NLGN4X: variants seen among roughly 807,000 people sequenced by gnomAD.
NLGN4X encodes the protein neuroligin-4, X-linked.
NLGN4X carries 3 observed loss-of-function variants against 40.3 expected under a neutral mutation model. The observed-to-expected ratio is 0.07, with a 90% confidence interval of 0.03 to 0.19. The LOEUF is 0.19. Among genes scored for constraint, NLGN4X ranks in the 10% least tolerant of loss-of-function variants. The pLI, the probability that NLGN4X is intolerant of heterozygous loss-of-function variation, is 1.00. For missense variants in NLGN4X, 382 were observed against 708.3 expected, an observed-to-expected ratio of 0.54 and a Z score of 5.23; for synonymous variants, 270 against 306.8, an observed-to-expected ratio of 0.88 and a Z score of 1.25.
chrX:5,917,333 G>A (rs141367101), intron 3 of NLGN4X, among the ~76,000 whole-genome samples: 28 of 112,603 alleles, frequency 2.5e-4, no homozygotes, highest in Non-Finnish European at 3.9e-4. Flanking sequence ...TTCTACCAAT[G>A]TGGGCCCCTT....
chrX:6,163,502 G>T (rs919208740), intron 1 of NLGN4X, among the ~76,000 whole-genome samples: 21 of 112,042 alleles, frequency 1.9e-4, no homozygotes, highest in African/African-American at 6.5e-4. Context: ...CATGAAGCCA[G>T]CCTGTGCTCC....
At chrX:6,224,699 G>T (rs766806256) in intron 1 of NLGN4X, among the ~76,000 whole-genome samples, 5 of 109,693 alleles carry the variant, frequency 4.6e-5, no homozygotes, top group Non-Finnish European at 7.6e-5. Flanking sequence ...TAGGTTACTG[G>T]TTTGAGGGCC....
At chrX:6,055,812 G>C (rs1000325704) in intron 2 of NLGN4X, among the ~76,000 whole-genome samples, 1 of 111,385 alleles carries the variant, frequency 9.0e-6, no homozygotes, top group African/African-American at 3.3e-5. Context: ...TAATTAAATT[G>C]TGTAGAATTA....
chrX:5,982,926 C>T (rs1370213929), intron 3 of NLGN4X, among the ~76,000 whole-genome samples: 7 of 112,319 alleles, frequency 6.2e-5, no homozygotes, highest in Admixed American at 1.9e-4. Context: ...AATGATGATC[C>T]AGCTAGATGC....
rs972648843 is a variant in NLGN4X at position 5,890,500 on chromosome X, A to C, written c.*2317T>G. Reference sequence around the variant, plus strand: ...TATTGCTAGCAGGAGACAACTGGAAATACTAAACAAATACTGGAATTCACA... The same window carrying C: ...TATTGCTAGCAGGAGACAACTGGAACTACTAAACAAATACTGGAATTCACA... On this transcript the variant is annotated 3_prime_UTR_variant, in exon 6 of 6. Transcript: ENST00000381095. The C allele has an allele frequency of 6.6e-6, 2 of 304,889 alleles. No individual in the cohort carries two copies. The highest frequency in any genetic ancestry group is 3.0e-5 in the South Asian group (1 of 32,850). The allele number at this position is 304,889 out of a possible 1,213,427, so 25.1% of individuals were successfully genotyped here.
chrX:6,052,056 C>G (rs970230438), intron 2 of NLGN4X, among the ~76,000 whole-genome samples: 2 of 110,503 alleles, frequency 1.8e-5, no homozygotes, highest in Admixed American at 1.9e-4. Context: ...TGGGGGACCT[C>G]TAGGAGCTGA....
intron 3 of NLGN4X, among the ~76,000 whole-genome samples, chrX:5,926,655 C>T (rs2033329653): frequency 9.1e-6 from 1 of 109,932 alleles, no homozygotes; most frequent in Admixed American, 9.9e-5. Context: ...TTCTAATTGT[C>T]CCATTACAGC....
chrX:5,891,605 C>CT lies in NLGN4X; in HGVS notation c.*1211dup, dbSNP rs948283927. ...AGCCCCACCAAAGGCAAGCTTTCTT[C>CT]TTTTTTTGGCAGGGCCCTGAAATGG... On this transcript the variant is annotated 3_prime_UTR_variant, in exon 6 of 6. Transcript: ENST00000381095. 7 of 246,829 alleles carry CT rather than the reference C, an allele frequency of 2.8e-5. No individual in the cohort carries two copies. The highest frequency in any genetic ancestry group is 1.3e-4 in the South Asian group (3 of 22,582). 20.3% of individuals were successfully genotyped at this position (246,829 alleles called of 1,213,427 possible).
intron 1 of NLGN4X, among the ~76,000 whole-genome samples, chrX:6,175,076 C>T (rs1186135074): frequency 2.7e-5 from 3 of 111,311 alleles, no homozygotes; most frequent in Non-Finnish European, 5.7e-5. Context: ...CATGATTTTC[C>T]GTGACCCTCC....
intron 3 of NLGN4X, among the ~76,000 whole-genome samples, chrX:5,964,288 T>C (rs2034753905): frequency 8.9e-6 from 1 of 111,965 alleles, no homozygotes; most frequent in Non-Finnish European, 1.9e-5. Flanking sequence ...CTGACATAGA[T>C]AATTAAAATA....
At chrX:6,083,266 G>A (rs1420362258) in intron 2 of NLGN4X, among the ~76,000 whole-genome samples, 2 of 110,266 alleles carry the variant, frequency 1.8e-5, no homozygotes, top group East Asian at 2.9e-4. Context: ...CCCATGATGC[G>A]TTTTTAACGG....
chrX:6,223,930 C>A (rs1455444433), intron 1 of NLGN4X, among the ~76,000 whole-genome samples: 1 of 112,673 alleles, frequency 8.9e-6, no homozygotes, highest in African/African-American at 3.2e-5. Context: ...AAAAGAGCAA[C>A]AGATTTAAAC....
intron 3 of NLGN4X, among the ~76,000 whole-genome samples, chrX:5,959,923 C>T (rs1333131335): frequency 9.0e-6 from 1 of 111,129 alleles, no homozygotes; most frequent in Non-Finnish European, 1.9e-5. Context: ...AAAAGAATTA[C>T]CCCTGGAACC....
chrX:5,919,536 G>T (rs1356497351), intron 3 of NLGN4X, among the ~76,000 whole-genome samples: 6 of 111,415 alleles, frequency 5.4e-5, no homozygotes, highest in Non-Finnish European at 9.4e-5. Flanking sequence ...AGCAGGAGGT[G>T]AGTGGTGGGC....
chrX:6,215,571 G>C (rs1010456747), intron 1 of NLGN4X, among the ~76,000 whole-genome samples: 12 of 109,452 alleles, frequency 1.1e-4, no homozygotes, highest in African/African-American at 4.0e-4. Flanking sequence ...AAAAGGATGA[G>C]GATAAATCAC....
At chrX:6,227,124 G>GGCGGGGAA (rs1367804183) in intron 1 of NLGN4X, 3 of 112,758 alleles carry the variant, frequency 2.7e-5, no homozygotes, top group Admixed American at 9.3e-5. Flanking sequence ...GGAATTGGGA[G>GGCGGGGAA]GCGGGGAAGC....
At position 5,897,987 on chromosome X, in the gene NLGN4X, C is replaced by T. The variant is rs902926544; in HGVS notation, c.1602-4321G>A. On this transcript the variant is annotated intron_variant, in intron 5 of 5. Coordinates refer to ENST00000381095, the MANE Select transcript of NLGN4X (RefSeq NM_181332.3). ...TCCCTCCCTTCTTCCTCTCCTCCTC[C>T]ATTCCCTTTTTCCTCCCTCTTCCTT... Among the ~76,000 whole-genome samples the T allele has an allele frequency of 8.1e-5, 8 of 98,602 alleles. No individual in the cohort carries two copies. In the Admixed American group the frequency reaches 8.9e-4, roughly 11 times the overall value. The allele number at this position is 98,602 out of a possible 115,157, so 85.6% of individuals were successfully genotyped here.
At chrX:5,924,712 G>C (rs1212754943) in intron 3 of NLGN4X, among the ~76,000 whole-genome samples, 1 of 111,906 alleles carries the variant, frequency 8.9e-6, no homozygotes, top group Non-Finnish European at 1.9e-5. Flanking sequence ...CAGCTACCTG[G>C]ATGGGACTGG....
chrX:6,121,675 T>C (rs761508901), intron 2 of NLGN4X, among the ~76,000 whole-genome samples: 1 of 112,658 alleles, frequency 8.9e-6, no homozygotes, highest in East Asian at 2.8e-4. Context: ...CCATGCCATC[T>C]TTTGAACAAG....
Sources: gnomAD v4.1 joint callset for allele counts (sites outside exome capture counted in the v4.1 genomes callset) on GRCh38, gnomAD v4.1.1 for gene constraint, MANE v1.5 for transcripts, NCBI Gene and HGNC (gene_info 2026-07-23, HGNC 2026-07-21) for gene names.